The following RIPOR2 variants were observed in gnomAD, a reference collection of about 807,000 sequenced individuals.
RIPOR2 encodes rho family-interacting cell polarization regulator 2.
A neutral mutation model predicts 114.5 loss-of-function variants in RIPOR2; 39 were observed. The ratio of observed to expected loss-of-function variants is 0.34; its 90% CI spans 0.26 to 0.44. The LOEUF is 0.44. RIPOR2 is among the 20% of genes least tolerant of loss of function. RIPOR2 has a pLI of 1.00. For missense variants in RIPOR2, 1,007 were observed against 1,255.1 expected (o/e 0.80, Z 2.99); for synonymous variants, 445 against 484.4 (o/e 0.92, Z 1.07).
intron 1 of RIPOR2, among the ~76,000 whole-genome samples, chr6:24,987,928 C>T (rs1774606393): frequency 6.6e-6 from 1 of 152,158 alleles, no homozygotes; most frequent in Non-Finnish European, 1.5e-5. Context: ...TTCCCTCATA[C>T]TTATCTAAGG....
intron 1 of RIPOR2, among the ~76,000 whole-genome samples, chr6:24,916,859 C>T (rs572004365): frequency 1.3e-5 from 2 of 152,160 alleles, no homozygotes; most frequent in Non-Finnish European, 2.9e-5. Context: ...AGAAGTCAGT[C>T]CCCTGTACTT....
chr6:25,008,215 A>G (rs571491119), intron 1 of RIPOR2, among the ~76,000 whole-genome samples: 2 of 151,860 alleles, frequency 1.3e-5, no homozygotes, highest in African/African-American at 2.4e-5. Flanking sequence ...TTTTTTTTCA[A>G]CCATGTTGGT....
At chr6:24,807,901 T>C (rs1780878812) in intron 21 of RIPOR2, among the ~76,000 whole-genome samples, 1 of 152,140 alleles carries the variant, frequency 6.6e-6, no homozygotes, top group African/African-American at 2.4e-5. Flanking sequence ...AATTCAGTCA[T>C]TTGTGTAAGA....
Position 24,861,001 on chromosome 6 carries a change from C to A in RIPOR2, c.687G>T (p.Leu229=). ...TCATCTTGATGGAGAATTCTCCCAG[C>A]AGATTCTCTAGCTCCACTTCAATGG... ...MCTIEVELEN[L]LGEFSIKMKG... Residue 229 remains leucine, a synonymous_variant, in exon 8 of 22, where the codon CTG becomes CTT. Coordinates refer to ENST00000643898, the MANE Select transcript of RIPOR2 (RefSeq NM_001286445.3). 3.7e-6 allele frequency: 6 copies of A among 1,609,692 alleles called. No individual in the cohort carries two copies. The highest frequency in any genetic ancestry group is 2.2e-5 in the South Asian group (2 of 90,602).
chr6:25,013,471 T>G (rs1202371403), intron 1 of RIPOR2, among the ~76,000 whole-genome samples: 1 of 152,232 alleles, frequency 6.6e-6, no homozygotes, highest in Non-Finnish European at 1.5e-5. Flanking sequence ...GGGGAGCACC[T>G]GCTTTGCCTG....
chr6:24,987,004 G>A (rs1273252032), intron 1 of RIPOR2, among the ~76,000 whole-genome samples: 2 of 152,126 alleles, frequency 1.3e-5, no homozygotes, highest in Non-Finnish European at 2.9e-5. Flanking sequence ...AACCATCCTG[G>A]GCCGTATTGG....
chr6:24,888,323 C>T (rs10484893), intron 1 of RIPOR2, among the ~76,000 whole-genome samples: 17,825 of 152,182 alleles, frequency 0.12, 1,171 homozygotes, highest in South Asian at 0.16. Context: ...TGCATGCAGC[C>T]TGTTTTCCCT....
At chr6:24,997,948 G>T (rs1394100835) in intron 1 of RIPOR2, among the ~76,000 whole-genome samples, 1 of 152,120 alleles carries the variant, frequency 6.6e-6, no homozygotes, top group Non-Finnish European at 1.5e-5. Flanking sequence ...TCACACTTAG[G>T]TTTCAGGGCC....
intron 1 of RIPOR2, chr6:24,876,891 G>A: frequency 1.2e-6 from 1 of 832,976 alleles, no homozygotes; most frequent in Non-Finnish European, 1.4e-6. Context: ...CCCAAAGGAT[G>A]ACCCTGCAAC....
chr6:24,991,666 A>G (rs920929643), intron 1 of RIPOR2, among the ~76,000 whole-genome samples: 1 of 152,214 alleles, frequency 6.6e-6, no homozygotes, highest in Non-Finnish European at 1.5e-5. Context: ...TGGAGCCCTG[A>G]GAAGTCCTCT....
At chr6:24,834,829 G>A (rs764486462) in intron 15 of RIPOR2, among the ~76,000 whole-genome samples, 1 of 152,028 alleles carries the variant, frequency 6.6e-6, no homozygotes, top group South Asian at 2.1e-4. Flanking sequence ...TCACTCTGTT[G>A]ACCAGGCTGG....
intron 1 of RIPOR2, among the ~76,000 whole-genome samples, chr6:24,916,652 G>A (rs182401815): frequency 2.6e-5 from 4 of 152,290 alleles, no homozygotes; most frequent in East Asian, 1.9e-4. Flanking sequence ...CTTGCTCACC[G>A]CTTTCTGAAC....
At chr6:24,899,195 T>G (rs149948021) in intron 1 of RIPOR2, among the ~76,000 whole-genome samples, 20 of 152,098 alleles carry the variant, frequency 1.3e-4, no homozygotes, top group African/African-American at 4.8e-4. Context: ...TTACCGTAAA[T>G]CTCCCACAAA....
At position 24,843,247 on chromosome 6, in the gene RIPOR2, G is replaced by T. The variant is rs1761910382; in HGVS notation, c.1472C>A (p.Ala491Asp). 1 of 1,613,902 alleles carries T rather than the reference G, an allele frequency of 6.2e-7. No individual in the cohort carries two copies. Among genetic ancestry groups the T allele is most frequent in the African/African-American group, 1.3e-5 (1 of 74,936 alleles). Residue 491 changes from alanine (A) to aspartate (D), a missense_variant, in exon 13 of 22, where the codon GCC (alanine) becomes GAC (aspartate). Ala to Asp is a moderately radical substitution (Grantham distance 126, BLOSUM62 -2). Transcript: ENST00000643898. The stretch of plus-strand genomic sequence containing the variant: ...GCGGCAAGCCTCAGATGGGGCCGAG[G>T]CAGGTTTTCTGGGCTCCTCTGGGTC... ...EEDPEEPRKP[A>D]SAPSEACRRQ... is the part of the protein sequence containing the mutation.
At chr6:24,807,975 G>C (rs149636795) in intron 21 of RIPOR2, among the ~76,000 whole-genome samples, 1 of 152,142 alleles carries the variant, frequency 6.6e-6, no homozygotes. Flanking sequence ...CTTCAGGGGG[G>C]TCTCAAACTT....
chr6:24,828,903 C>T (rs574312442), intron 17 of RIPOR2, among the ~76,000 whole-genome samples: 2 of 152,244 alleles, frequency 1.3e-5, no homozygotes, highest in Admixed American at 6.5e-5. Flanking sequence ...TCTTGAACTT[C>T]ATGTAAATGG....
intron 1 of RIPOR2, among the ~76,000 whole-genome samples, chr6:24,921,155 T>C (rs1200353178): frequency 6.6e-6 from 1 of 151,530 alleles, no homozygotes; most frequent in Admixed American, 6.6e-5. Flanking sequence ...ACCTCTTAGA[T>C]CTCTCTCTCT....
At chr6:24,913,270 C>T (rs756084243) in intron 1 of RIPOR2, among the ~76,000 whole-genome samples, 12 of 152,246 alleles carry the variant, frequency 7.9e-5, no homozygotes, top group South Asian at 2.1e-4. Flanking sequence ...CCCCACTCAC[C>T]GCTGTGGATT....
chr6:24,951,550 C>T (rs1772763679), intron 1 of RIPOR2, among the ~76,000 whole-genome samples: 1 of 152,166 alleles, frequency 6.6e-6, no homozygotes, highest in South Asian at 2.1e-4. Flanking sequence ...AATGTTTCTC[C>T]ATCACTTTCT....
Sources: allele counts gnomAD v4.1 joint callset (sites outside exome capture counted in the v4.1 genomes callset), GRCh38; gene constraint gnomAD v4.1.1; transcripts MANE v1.5; gene names NCBI Gene and HGNC (gene_info 2026-07-23, HGNC 2026-07-21).